The following RGL3 variants were observed in gnomAD, a reference collection of about 807,000 sequenced individuals.
RGL3 encodes the protein ral guanine nucleotide dissociation stimulator-like 3.
A neutral mutation model predicts 90.6 loss-of-function variants in RGL3; 85 were observed. The observed-to-expected ratio is 0.94, with a 90% CI of 0.79 to 1.12. RGL3 has a LOEUF of 1.12. Ranked by LOEUF, RGL3 falls within the 50% of genes most tolerant of loss-of-function variation. The pLI, the probability that RGL3 is intolerant of heterozygous loss-of-function variation, is 0.00. For missense variants in RGL3, 1,034 were observed against 939.2 expected (o/e 1.10, Z -1.32); for synonymous variants, 408 against 385.5 (o/e 1.06, Z -0.68).
At chr19:11,408,243 G>C (rs1968815008) in intron 5 of RGL3, among the ~76,000 whole-genome samples, 1 of 152,254 alleles carries the variant, frequency 6.6e-6, no homozygotes, top group Non-Finnish European at 1.5e-5. Flanking sequence ...GGGATTGCGG[G>C]TGTGAGCCAG....
At chr19:11,411,863 C>T (rs1369042600) in intron 5 of RGL3, among the ~76,000 whole-genome samples, 1 of 152,190 alleles carries the variant, frequency 6.6e-6, no homozygotes, top group Non-Finnish European at 1.5e-5. Context: ...CATCCACCTG[C>T]CTTGGCCTCC....
intron 18 of RGL3, among the ~76,000 whole-genome samples, chr19:11,395,941 T>A (rs1274218737): frequency 2.5e-4 from 37 of 147,632 alleles, no homozygotes; most frequent in Non-Finnish European, 4.5e-5. Context: ...TTTTTTTTTT[T>A]AATTGAGACA....
chr19:11,401,370 C>G lies in RGL3; in HGVS notation c.1484+641G>C, dbSNP rs541522538. Among the ~76,000 whole-genome samples the G allele has an allele frequency of 2.0e-5, 3 of 151,216 alleles. No individual in the cohort carries two copies. In the East Asian group the frequency reaches 5.8e-4, roughly 29 times the overall value. On this transcript the variant is annotated intron_variant, in intron 13 of 18. Transcript: ENST00000380456. ...CAGCCTCCCAAGTAGTTGGGACCAA[C>G]GGCACTCAACACCACATTCAGCTAA...
At chr19:11,412,172 C>T (rs1599441004) in intron 5 of RGL3, among the ~76,000 whole-genome samples, 1 of 149,870 alleles carries the variant, frequency 6.7e-6, no homozygotes, top group Admixed American at 6.7e-5. Flanking sequence ...CCCAGCTACT[C>T]GGGAGGCTGA....
chr19:11,405,419 CGGCAGCGCTGCCA>C lies in RGL3; in HGVS notation c.997-6_1003del. On this transcript the variant is annotated splice_acceptor_variant and splice_polypyrimidine_tract_variant and coding_sequence_variant and intron_variant, in exon 8 of 19. Transcript: ENST00000380456. LOFTEE classifies it high-confidence loss of function. ...CAAGGAGGAGAAGTTCCGCAGTTCT[CGGCAGCGCTGCCA>C]GGCGGTGGGGACGCAGGTCAGACCC... is the stretch of plus-strand genomic sequence containing the variant. 2 of 1,504,354 alleles carry C rather than the reference CGGCAGCGCTGCCA, an allele frequency of 1.3e-6. No homozygotes were observed. The highest frequency in any genetic ancestry group is 1.8e-6 in the Non-Finnish European group (2 of 1,112,746). The allele number at this position is 1,504,354 out of a possible 1,614,324, so 93.2% of individuals were successfully genotyped here.
chr19:11,417,114 C>T (rs1349685835), intron 2 of RGL3, 55 bp from the exon 3 acceptor site: 6 of 1,292,664 alleles, frequency 4.6e-6, no homozygotes, highest in African/African-American at 1.5e-5. Flanking sequence ...CACAGCACCC[C>T]TTCTCTAGTC....
At position 11,418,495 on chromosome 19, in the gene RGL3, C is replaced by G. The variant is rs1177688112; in HGVS notation, c.147+176G>C. ...TGGCCCCACCCCATTCCCTGGATCT[C>G]CCCCCACTTACCTGGCCGCCCCCAG... On this transcript the variant is annotated intron_variant, in intron 2 of 18. Transcript: ENST00000380456. 2.9e-5 allele frequency: 17 copies of G among 584,770 alleles called. No homozygotes were observed. The South Asian group carries it at 3.3e-4, about 11-fold the overall frequency. The allele number at this position is 584,770 out of a possible 1,614,324, so 36.2% of individuals were successfully genotyped here. A position where few individuals can be genotyped will look rare whatever the true frequency, so the allele number is the denominator to read the frequency against.
rs182258438 is a variant in RGL3, at chr19:11,398,537, G to C, written c.1747-940C>G. ...ATGTTTTTATTTTTAGTAGAGACGG[G>C]GTTTCACCATGTTGGCTAGGCTGGT... On this transcript the variant is annotated intron_variant, in intron 16 of 18. Coordinates refer to ENST00000380456, the MANE Select transcript of RGL3 (RefSeq NM_001035223.4). 2.1e-3 allele frequency among the ~76,000 whole-genome samples: 320 copies of C among 152,138 alleles called. 3 individuals carry two copies. The highest frequency in any genetic ancestry group is 3.0e-3 in the Admixed American group (46 of 15,272).
chr19:11,394,444 C>T lies in RGL3; in HGVS notation c.2091G>A (p.Arg697=), dbSNP rs746848487. ...ACAGAGTGTTCCGGGTCCCCTCTTT[C>T]CGCCGCAGCATGAAGTCTCTGGGGG... ...PVAPRDFMLR[R]KEGTRNTLSV... Residue 697 remains arginine, a synonymous_variant, in exon 19 of 19, where the codon CGG becomes CGA. Transcript: ENST00000380456. 2 of 1,614,026 alleles carry T rather than the reference C, an allele frequency of 1.2e-6. No homozygotes were observed. Among genetic ancestry groups the T allele is most frequent in the South Asian group, 1.1e-5 (1 of 91,064 alleles).
Position 11,397,303 on chromosome 19 carries a change from T to A in RGL3, c.1955A>T (p.Asn652Ile), listed in dbSNP as rs200398815. Residue 652 changes from asparagine to isoleucine, a missense_variant, in exon 18 of 19, where the codon AAT (asparagine) becomes ATT (isoleucine). By Grantham distance (149) the Asn-to-Ile change is moderately radical. Coordinates refer to ENST00000380456, the MANE Select transcript of RGL3 (RefSeq NM_001035223.4). ...GTCACAGGCCCAGGGCTGGGGCACATTGTGCTTCTGCAAGGCTCGCCGGAC... is the reference window on the plus strand; with the variant it reads ...GTCACAGGCCCAGGGCTGGGGCACAATGTGCTTCTGCAAGGCTCGCCGGAC... ...SVVRRALQKH[N>I]VPQPWACDYQ... 4 of 1,612,624 alleles carry A rather than the reference T, an allele frequency of 2.5e-6. No individual in the cohort carries two copies. The highest frequency in any genetic ancestry group is 3.4e-6 in the Non-Finnish European group (4 of 1,179,510).
At chr19:11,396,944 A>G (rs747354280) in intron 18 of RGL3, among the ~76,000 whole-genome samples, 4 of 152,168 alleles carry the variant, frequency 2.6e-5, no homozygotes, top group Non-Finnish European at 5.9e-5. Context: ...CTGGGATTAC[A>G]GACATGAGCC....
At chr19:11,417,470 CT>C (rs66697430) in intron 2 of RGL3, among the ~76,000 whole-genome samples, 161 of 114,508 alleles carry the variant, frequency 1.4e-3, no homozygotes, top group East Asian at 4.4e-3. Context: ...CCTAGCACCA[CT>C]TTTTTTTTTT....
In RGL3 at chr19:11,414,466, T is replaced by TATATATACATATATATATATACCTTC. The variant is rs1568341894; in HGVS notation, c.637+1470_637+1471insGAAGGTATATATATATATGTATATAT. Among the ~76,000 whole-genome samples, 11 of 87,858 alleles carry TATATATACATATATATATATACCTTC rather than the reference T, an allele frequency of 1.3e-4. 1 individual carries two copies. The highest frequency in any genetic ancestry group is 4.3e-4 in the African/African-American group (10 of 23,198). The allele number at this position is 87,858 out of a possible 152,430, so 57.6% of individuals were successfully genotyped here. The stretch of plus-strand genomic sequence containing the variant: ...ATATACATATATATATATACCTTCA[T>TATATATACATATATATATATACCTTC]ATATATATATATATATACACCTTCA... On this transcript the variant is annotated intron_variant, in intron 5 of 18. Coordinates refer to ENST00000380456, the MANE Select transcript of RGL3 (RefSeq NM_001035223.4).
intron 18 of RGL3, among the ~76,000 whole-genome samples, chr19:11,395,066 C>G (rs56997028): frequency 6.6e-6 from 1 of 151,062 alleles, no homozygotes; most frequent in African/African-American, 2.4e-5. Flanking sequence ...GCACTCCAGC[C>G]TGGGCAACAG....
At chr19:11,403,661 A>G (rs1171005214) in intron 9 of RGL3, among the ~76,000 whole-genome samples, 2 of 150,662 alleles carry the variant, frequency 1.3e-5, no homozygotes, top group African/African-American at 4.9e-5. Context: ...AAAAAAAAAA[A>G]AAGAAGCCAG....
At chr19:11,394,643 C>G in intron 18 of RGL3, 123 bp from the exon 19 acceptor site, 7 of 707,776 alleles carry the variant, frequency 9.9e-6, no homozygotes, top group Non-Finnish European at 1.8e-5. Flanking sequence ...TCTGCAGCTA[C>G]TGCCAAGCCA....
At chr19:11,396,292 C>T (rs1292778567) in intron 18 of RGL3, among the ~76,000 whole-genome samples, 45 of 147,540 alleles carry the variant, frequency 3.1e-4, no homozygotes, top group African/African-American at 8.5e-4. Context: ...CTCAGCCTCC[C>T]GAGTAGCTGA....
chr19:11,412,092 A>C (rs994789721), intron 5 of RGL3, among the ~76,000 whole-genome samples: 4 of 152,012 alleles, frequency 2.6e-5, no homozygotes, highest in East Asian at 1.9e-4. Context: ...CCAGCCTGAC[A>C]AACATGGAGA....
intron 4 of RGL3, 92 bp from the exon 5 acceptor site, chr19:11,416,240 A>C: frequency 1.1e-6 from 1 of 887,600 alleles, no homozygotes; most frequent in South Asian, 2.1e-5. Context: ...TTTTTTTGAG[A>C]TAGAGTCTTA....
Sources: allele counts gnomAD v4.1 joint callset (sites outside exome capture counted in the v4.1 genomes callset), GRCh38; gene constraint gnomAD v4.1.1; transcripts MANE v1.5; gene names NCBI Gene and HGNC (gene_info 2026-07-23, HGNC 2026-07-21).